Variants in RAP1B observed in about 807,000 individuals in gnomAD.
RAP1B encodes RAP1B, member of RAS oncogene family.
A neutral mutation model predicts 27.5 loss-of-function variants in RAP1B; 1 was observed. The ratio of observed to expected loss-of-function variants is 0.04; its 90% CI spans 0.01 to 0.17. The LOEUF (loss-of-function observed/expected upper bound fraction) is 0.17, where lower values mean the gene tolerates loss of function less well. Among genes scored for constraint, RAP1B ranks in the 10% least tolerant of loss-of-function variants. RAP1B has a pLI of 1.00. For missense variants in RAP1B, 84 were observed against 214.8 expected, an observed-to-expected ratio of 0.39 and a Z score of 3.81; for synonymous variants, 75 against 73.1, an observed-to-expected ratio of 1.03 and a Z score of -0.13.
intron 1 of RAP1B, among the ~76,000 whole-genome samples, chr12:68,614,957 A>G (rs1870875668): frequency 6.6e-6 from 1 of 152,230 alleles, no homozygotes; most frequent in African/African-American, 2.4e-5. Flanking sequence ...ATTTGTATGT[A>G]ATCTGTTGTA....
intron 1 of RAP1B, among the ~76,000 whole-genome samples, chr12:68,615,190 ATTAT>A (rs1350258741): frequency 5.3e-5 from 8 of 152,188 alleles, no homozygotes; most frequent in East Asian, 3.9e-4. Context: ...GTAGCAACTG[ATTAT>A]TTAAGCAGTA....
At position 68,660,439 on chromosome 12, in the gene RAP1B, CTTAA is replaced by C. The variant is rs1490791955; in HGVS notation, c.*1195_*1198del. On this transcript the variant is annotated 3_prime_UTR_variant, in exon 8 of 8. Coordinates refer to ENST00000250559, the MANE Select transcript of RAP1B (RefSeq NM_001010942.3). ...AGGTGGCCAAATGTAAACTAAAAGC[CTTAA>C]TTAAAGTGGTGCAATTTTGTATAAC... 1.3e-5 allele frequency: 2 copies of C among 152,320 alleles called. No individual in the cohort carries two copies. Among genetic ancestry groups the C allele is most frequent in the African/African-American group, 4.8e-5 (2 of 41,366 alleles). 9.4% of individuals were successfully genotyped at this position (152,320 alleles called of 1,614,324 possible).
intron 1 of RAP1B, among the ~76,000 whole-genome samples, chr12:68,647,403 C>CCCCCCCCCCCCCCCG (rs1565670563): frequency 1.4e-5 from 1 of 71,854 alleles, no homozygotes; most frequent in Non-Finnish European, 3.1e-5. Context: ...CCCCCCCCCC[C>CCCCCCCCCCCCCCCG]CAAAAAAGGG....
At chr12:68,613,502 T>C (rs7305151) in intron 1 of RAP1B, among the ~76,000 whole-genome samples, 6,073 of 152,224 alleles carry the variant, frequency 0.04, 412 homozygotes, top group African/African-American at 0.14. Flanking sequence ...ATGACACGCA[T>C]TACTTCCTGC....
chr12:68,658,824 A>C (rs1431413268), intron 7 of RAP1B, among the ~76,000 whole-genome samples: 1 of 152,206 alleles, frequency 6.6e-6, no homozygotes, highest in Non-Finnish European at 1.5e-5. Flanking sequence ...CTGATACTAG[A>C]AACCTTGGTT....
chr12:68,635,362 A>G (rs1052979138), intron 1 of RAP1B, among the ~76,000 whole-genome samples: 1 of 152,140 alleles, frequency 6.6e-6, no homozygotes, highest in South Asian at 2.1e-4. Flanking sequence ...TTAAAGTATT[A>G]CTTTTGGAGT....
At chr12:68,611,218 C>T (rs1870547075) in intron 1 of RAP1B, among the ~76,000 whole-genome samples, 175 bp downstream of exon 1, 1 of 146,886 alleles carries the variant, frequency 6.8e-6, no homozygotes, top group East Asian at 2.0e-4. Context: ...GGGCCAGGCG[C>T]CGGGCCCGCG....
rs1391695291 is a variant in RAP1B, at chr12:68,654,191, C to G, written c.263C>G (p.Ser88Cys). Residue 88 changes from serine to cysteine, a missense_variant, in exon 5 of 8, where the codon TCC (serine) becomes TGC (cysteine). Coordinates refer to ENST00000250559, the MANE Select transcript of RAP1B (RefSeq NM_001010942.3). ...TTAGTTTATTCCATCACAGCACAGT[C>G]CACATTTAACGATTTACAAGACCTG... is the stretch of plus-strand genomic sequence containing the variant. ...FALVYSITAQ[S>C]TFNDLQDLRE... 1 of 1,601,540 alleles carries G rather than the reference C, an allele frequency of 6.2e-7. No homozygotes were observed. The highest frequency in any genetic ancestry group is 1.7e-5 in the Admixed American group (1 of 59,886).
At chr12:68,626,721 CTCGGGTAAAGG>C in intron 1 of RAP1B, 1 of 665,068 alleles carries the variant, frequency 1.5e-6, no homozygotes, top group Non-Finnish European at 2.4e-6. Context: ...TATTTCTGGT[CTCGGGTAAAGG>C]TCTTAAGGAA....
intron 1 of RAP1B, chr12:68,627,223 C>T (rs1442542903): frequency 1.4e-5 from 20 of 1,442,310 alleles, no homozygotes; most frequent in South Asian, 5.7e-5. Context: ...ACATGAACAT[C>T]CATCTGAAAG....
chr12:68,617,223 T>G (rs1323675565), intron 1 of RAP1B, among the ~76,000 whole-genome samples: 1 of 152,230 alleles, frequency 6.6e-6, no homozygotes, highest in African/African-American at 2.4e-5. Flanking sequence ...TTACTTAGTT[T>G]TTATGCGCCA....
intron 6 of RAP1B, 52 bp from the exon 7 acceptor site, chr12:68,657,048 TG>T (rs898596796): frequency 7.1e-6 from 10 of 1,405,580 alleles, no homozygotes; most frequent in South Asian, 1.2e-5. Flanking sequence ...CTTTTTTCAT[TG>T]GGGGGGATAG....
At position 68,636,132 on chromosome 12, in the gene RAP1B, G is replaced by T. The variant is rs573432735; in HGVS notation, c.-26-12567G>T. Among the ~76,000 whole-genome samples, 2 of 151,820 alleles carry T rather than the reference G, an allele frequency of 1.3e-5. 1 individual carries two copies. The highest frequency in any genetic ancestry group is 2.9e-5 in the Non-Finnish European group (2 of 67,920). ...ACTCCTGACCTCAAGTGATCTGCCCGCCTTGGCCTCCCAAAGTCCTGGTAT... is the reference window on the plus strand; with the variant it reads ...ACTCCTGACCTCAAGTGATCTGCCCTCCTTGGCCTCCCAAAGTCCTGGTAT... On this transcript the variant is annotated intron_variant, in intron 1 of 7. Coordinates refer to ENST00000250559, the MANE Select transcript of RAP1B (RefSeq NM_001010942.3).
chr12:68,629,431 T>C (rs1351880416), intron 1 of RAP1B, among the ~76,000 whole-genome samples: 1 of 152,202 alleles, frequency 6.6e-6, no homozygotes, highest in African/African-American at 2.4e-5. Flanking sequence ...CAAAGGATTT[T>C]TCTAAAATAA....
chr12:68,635,759 T>G (rs1872589508), intron 1 of RAP1B, among the ~76,000 whole-genome samples: 1 of 151,806 alleles, frequency 6.6e-6, no homozygotes, highest in East Asian at 2.0e-4. Context: ...CTGGCCTACT[T>G]AGGCCTGTTT....
At chr12:68,652,272 C>G (rs1334720754) in intron 4 of RAP1B, among the ~76,000 whole-genome samples, 1 of 151,910 alleles carries the variant, frequency 6.6e-6, no homozygotes, top group Non-Finnish European at 1.5e-5. Context: ...ATAGTGAAAC[C>G]CCATCTCTAC....
chr12:68,649,577 G>A (rs1873664494), intron 2 of RAP1B: 2 of 152,150 alleles, frequency 1.3e-5, no homozygotes, highest in South Asian at 4.1e-4. Flanking sequence ...GCTTAGCAAA[G>A]CCTCACAAGC....
At position 68,655,342 on chromosome 12, in the gene RAP1B, CATT is replaced by C. The variant is rs1398427192; in HGVS notation, c.325-963_325-961del. Among the ~76,000 whole-genome samples, 7 of 151,930 alleles carry C rather than the reference CATT, an allele frequency of 4.6e-5. No homozygotes were observed. The East Asian group carries it at 1.3e-3, about 29-fold the overall frequency. On this transcript the variant is annotated intron_variant, in intron 5 of 7. Coordinates refer to ENST00000250559, the MANE Select transcript of RAP1B (RefSeq NM_001010942.3). The stretch of plus-strand genomic sequence containing the variant: ...TCAAAATAAATACATAAATAAGACT[CATT>C]GTACTGCAGTTTAATTTTAGCAAAT...
intron 1 of RAP1B, among the ~76,000 whole-genome samples, chr12:68,645,975 C>T (rs1873375173): frequency 6.6e-6 from 1 of 152,030 alleles, no homozygotes; most frequent in Non-Finnish European, 1.5e-5. Context: ...ATAAAAGGAG[C>T]AAGTTACTGA....
Sources: gnomAD v4.1 joint callset for allele counts (sites outside exome capture counted in the v4.1 genomes callset) on GRCh38, gnomAD v4.1.1 for gene constraint, MANE v1.5 for transcripts, NCBI Gene and HGNC (gene_info 2026-07-23, HGNC 2026-07-21) for gene names.